Variants in CENPH observed in about 807,000 individuals in gnomAD.
The protein encoded by CENPH is centromere protein H.
Under a neutral mutation model 42.9 loss-of-function variants are expected in CENPH, and 40 were observed. The observed-to-expected ratio is 0.93, with a 90% CI of 0.72 to 1.21. CENPH has a LOEUF of 1.21. Among genes scored for constraint, CENPH ranks in the 50% most tolerant of loss-of-function variants. CENPH has a pLI of 0.00. For synonymous variants in CENPH, 88 were observed against 96.5 expected (o/e 0.91, Z 0.52); for missense variants, 302 against 292.9 (o/e 1.03, Z -0.23).
chr5:69,199,812 A>T (rs189351612), intron 5 of CENPH, among the ~76,000 whole-genome samples: 28 of 152,206 alleles, frequency 1.8e-4, no homozygotes, highest in Admixed American at 1.7e-3. Flanking sequence ...CACTGTTGAC[A>T]CCAAAAAACA....
intron 1 of CENPH, among the ~76,000 whole-genome samples, chr5:69,191,532 A>G (rs1321288593): frequency 1.3e-5 from 2 of 152,132 alleles, no homozygotes; most frequent in East Asian, 1.9e-4. Context: ...AAAAATCTTA[A>G]ACACCAATTT....
At position 69,190,465 on chromosome 5, in the gene CENPH, G is replaced by A. The variant is rs146018778; in HGVS notation, c.134+697G>A. On this transcript the variant is annotated intron_variant, in intron 1 of 8. Transcript: ENST00000283006. ...GTACAACTTTCCTGCCACAAGGGTG[G>A]AATTGAGTAGCTAAAACAGAGACCG... Among the ~76,000 whole-genome samples the A allele has an allele frequency of 4.9e-3, 739 of 152,278 alleles. 4 individuals are homozygous for A. The Middle Eastern group carries it at 0.061, about 13-fold the overall frequency.
chr5:69,203,058 C>T, intron 7 of CENPH, 88 bp downstream of exon 7: 1 of 895,230 alleles, frequency 1.1e-6, no homozygotes, highest in Admixed American at 2.8e-5. Context: ...TGAGAAATTT[C>T]CTAATTTCCG....
chr5:69,206,159 C>G (rs1477526302), intron 7 of CENPH, among the ~76,000 whole-genome samples: 3 of 151,436 alleles, frequency 2.0e-5, no homozygotes, highest in African/African-American at 7.3e-5. Context: ...TCCTGTGATC[C>G]ACTGTGCCTG....
intron 4 of CENPH, among the ~76,000 whole-genome samples, chr5:69,196,475 T>A (rs1561322071): frequency 6.6e-6 from 1 of 152,078 alleles, no homozygotes; most frequent in Non-Finnish European, 1.5e-5. Context: ...CAAAACCCTG[T>A]CTCTACTAAA....
intron 5 of CENPH, among the ~76,000 whole-genome samples, chr5:69,199,498 G>A (rs1017660496): frequency 6.6e-6 from 1 of 152,148 alleles, no homozygotes; most frequent in African/African-American, 2.4e-5. Flanking sequence ...TATATAGCAG[G>A]GAAGATATGT....
intron 4 of CENPH, among the ~76,000 whole-genome samples, chr5:69,196,653 CA>C (rs140044841): frequency 0.021 from 3,127 of 150,722 alleles, 119 homozygotes; most frequent in African/African-American, 0.072. Context: ...TCTCAAAAAA[CA>C]AAAAAAAAGT....
chr5:69,198,687 C>T (rs1323062450), intron 5 of CENPH, among the ~76,000 whole-genome samples: 1 of 152,176 alleles, frequency 6.6e-6, no homozygotes, highest in Non-Finnish European at 1.5e-5. Flanking sequence ...AATCCCAGCA[C>T]TTTGGGAGCC....
chr5:69,206,890 T>G (rs1277423030), intron 7 of CENPH, among the ~76,000 whole-genome samples: 1 of 152,142 alleles, frequency 6.6e-6, no homozygotes, highest in African/African-American at 2.4e-5. Flanking sequence ...TCCCCCATGT[T>G]TTTTTAAGTA....
At chr5:69,206,765 A>G (rs1042902557) in intron 7 of CENPH, among the ~76,000 whole-genome samples, 1 of 152,130 alleles carries the variant, frequency 6.6e-6, no homozygotes, top group African/African-American at 2.4e-5. Context: ...CACAGTGCTG[A>G]TAACAGGCAT....
chr5:69,194,017 C>T (rs1242273004), intron 2 of CENPH, among the ~76,000 whole-genome samples: 1 of 152,146 alleles, frequency 6.6e-6, no homozygotes, highest in Non-Finnish European at 1.5e-5. Flanking sequence ...ATATCAAATG[C>T]TCAGTTGCCA....
chr5:69,209,982 T>G lies in CENPH; in HGVS notation c.*183T>G. 2.5e-6 allele frequency: 1 copy of G among 402,902 alleles called. No homozygotes were observed. The highest frequency in any genetic ancestry group is 5.7e-5 in the South Asian group (1 of 17,694). 25.0% of individuals were successfully genotyped at this position (402,902 alleles called of 1,614,324 possible). On this transcript the variant is annotated 3_prime_UTR_variant, in exon 9 of 9. Coordinates refer to ENST00000283006, the MANE Select transcript of CENPH (RefSeq NM_022909.4). The stretch of plus-strand genomic sequence containing the variant: ...AAAGTAATTTTTTTCTTTTTATATT[T>G]CTATATTTAGTTTGTTTTTTTGTTG...
In CENPH at chr5:69,204,051, T is replaced by TATATAGAA. The variant is rs1244073988; in HGVS notation, c.487+1081_487+1082insATATAGAA. Among the ~76,000 whole-genome samples the TATATAGAA allele has an allele frequency of 1.6e-3, 100 of 61,460 alleles. 1 individual carries two copies. The highest frequency in any genetic ancestry group is 6.4e-3 in the African/African-American group (94 of 14,658). 40.3% of individuals were successfully genotyped at this position (61,460 alleles called of 152,430 possible). ...ATATATAATTATATATATTTATATA[T>TATATAGAA]TATATATATAAATATATATAATATA... On this transcript the variant is annotated intron_variant, in intron 7 of 8. Transcript: ENST00000283006.
chr5:69,205,825 CAGCCTCCTGAGT>C (rs1261400255), intron 7 of CENPH, among the ~76,000 whole-genome samples: 1 of 149,092 alleles, frequency 6.7e-6, no homozygotes, highest in Admixed American at 6.9e-5. Flanking sequence ...TCTTCTGCCT[CAGCCTCCTGAGT>C]AGCTGGGACT....
intron 1 of CENPH, among the ~76,000 whole-genome samples, chr5:69,191,437 G>A (rs1005731434): frequency 3.9e-5 from 6 of 152,154 alleles, no homozygotes; most frequent in African/African-American, 1.2e-4. Flanking sequence ...GCGTGAACCC[G>A]GGAGGCGGAG....
intron 2 of CENPH, 66 bp from the exon 3 acceptor site, chr5:69,194,581 A>G (rs1747932326): frequency 4.4e-6 from 4 of 912,702 alleles, no homozygotes; most frequent in Admixed American, 2.4e-5. Context: ...TGTGGCTTAC[A>G]TTATATTCCT....
At chr5:69,207,126 C>T (rs1440583134) in intron 7 of CENPH, among the ~76,000 whole-genome samples, 1 of 151,924 alleles carries the variant, frequency 6.6e-6, no homozygotes, top group Non-Finnish European at 1.5e-5. Context: ...TAGTTTAATT[C>T]TTAGACTATT....
chr5:69,197,154 A>C, intron 5 of CENPH, 45 bp downstream of exon 5: 1 of 1,211,642 alleles, frequency 8.3e-7, no homozygotes, highest in South Asian at 1.6e-5. Flanking sequence ...TGGGATCTGC[A>C]TAGTGACTTT....
chr5:69,189,796 G>T, intron 1 of CENPH, 28 bp downstream of exon 1: 1 of 1,420,294 alleles, frequency 7.0e-7, no homozygotes, highest in Non-Finnish European at 9.2e-7. Flanking sequence ...CCTCAGCCGG[G>T]GCCAAGTGGG....
Sources: gnomAD v4.1 joint callset for allele counts (sites outside exome capture counted in the v4.1 genomes callset) on GRCh38, gnomAD v4.1.1 for gene constraint, MANE v1.5 for transcripts, NCBI Gene and HGNC (gene_info 2026-07-23, HGNC 2026-07-21) for gene names.